FGF14: variants seen among roughly 807,000 people sequenced by gnomAD.
FGF14 encodes fibroblast growth factor 14, also known as fibroblast growth factor homologous factor 4.
A neutral mutation model predicts 25.5 loss-of-function variants in FGF14; 5 were observed. The observed-to-expected ratio is 0.20, with a 90% CI of 0.10 to 0.41. The LOEUF is 0.41. Among genes scored for constraint, FGF14 ranks in the 10% least tolerant of loss-of-function variants. FGF14 has a pLI of 1.00. For missense variants in FGF14, 222 were observed against 320.1 expected, an observed-to-expected ratio of 0.69 and a Z score of 2.34; for synonymous variants, 138 against 118.3, an observed-to-expected ratio of 1.17 and a Z score of -1.08.
At chr13:102,330,602 A>G (rs1456801095) in intron 1 of FGF14, among the ~76,000 whole-genome samples, 4 of 152,090 alleles carry the variant, frequency 2.6e-5, no homozygotes, top group East Asian at 3.9e-4. Context: ...CTCTTTAGCT[A>G]TCTACAATAA....
At chr13:102,365,754 A>G (rs1323876398) in intron 1 of FGF14, among the ~76,000 whole-genome samples, 4 of 151,938 alleles carry the variant, frequency 2.6e-5, no homozygotes, top group Admixed American at 6.6e-5. Context: ...GTGTGTGTGT[A>G]TAGTTATAAT....
chr13:101,779,467 A>G (rs2039352392), intron 3 of FGF14, among the ~76,000 whole-genome samples: 1 of 152,220 alleles, frequency 6.6e-6, no homozygotes, highest in African/African-American at 2.4e-5. Flanking sequence ...TGAATATTTC[A>G]GCGACTAAGG....
chr13:102,263,663 C>T (rs1197005334), intron 1 of FGF14, among the ~76,000 whole-genome samples: 1 of 152,060 alleles, frequency 6.6e-6, no homozygotes, highest in Non-Finnish European at 1.5e-5. Context: ...TAAATGTTAG[C>T]ACAGATAAAA....
chr13:102,188,567 G>A (rs2048963834), intron 1 of FGF14, among the ~76,000 whole-genome samples: 3 of 152,108 alleles, frequency 2.0e-5, no homozygotes, highest in African/African-American at 7.2e-5. Context: ...ATCTGGCAGA[G>A]GGCTAGTGCT....
In FGF14 at chr13:102,257,342, CTTTTTTT is replaced by C. The variant is rs71125058; in HGVS notation, c.208+144122_208+144128del. On this transcript the variant is annotated intron_variant, in intron 1 of 4. Transcript: ENST00000376131. ...CATGCATGTCCATTTCCTTTCTTTTCTTTTTTTTTTTTTTTTTTTTTTTTTTCGAGAC... is the reference window on the plus strand; with the variant it reads ...CATGCATGTCCATTTCCTTTCTTTTCTTTTTTTTTTTTTTTTTTTCGAGAC... 4.9e-4 allele frequency among the ~76,000 whole-genome samples: 16 copies of C among 32,576 alleles called. No individual in the cohort carries two copies. The South Asian group carries it at 0.015, about 31-fold the overall frequency. The allele number at this position is 32,576 out of a possible 152,430, so 21.4% of individuals were successfully genotyped here.
intron 1 of FGF14, among the ~76,000 whole-genome samples, chr13:102,369,997 C>CTT (rs200355754): frequency 3.4e-5 from 5 of 146,302 alleles, no homozygotes; most frequent in South Asian, 2.2e-4. Flanking sequence ...TAGAATAAAT[C>CTT]TTTTTTTTTT....
At chr13:102,108,576 C>T (rs961054010) in intron 1 of FGF14, among the ~76,000 whole-genome samples, 1 of 152,192 alleles carries the variant, frequency 6.6e-6, no homozygotes, top group East Asian at 1.9e-4. Context: ...CTTAATCTCC[C>T]CAAAGGTTAG....
chr13:101,747,164 A>C (rs2036944866), intron 3 of FGF14, among the ~76,000 whole-genome samples: 1 of 151,970 alleles, frequency 6.6e-6, no homozygotes, highest in South Asian at 2.1e-4. Context: ...CAAAGAAAGA[A>C]GCCTCAGAAT....
rs558455404 is a variant in FGF14, at chr13:101,842,993, G to A, written c.408+25732C>T. Among the ~76,000 whole-genome samples, 4 of 152,142 alleles carry A rather than the reference G, an allele frequency of 2.6e-5. No individual in the cohort carries two copies. The South Asian group carries it at 6.2e-4, about 24-fold the overall frequency. On this transcript the variant is annotated intron_variant, in intron 3 of 4. Coordinates refer to ENST00000376143, the MANE Select transcript of FGF14 (RefSeq NM_004115.4). Reference sequence around the variant, plus strand: ...CAAACGATCATCCTAACGACTGTTCGTCTATACGGAAACATACACACGATT... The same window carrying A: ...CAAACGATCATCCTAACGACTGTTCATCTATACGGAAACATACACACGATT...
intron 1 of FGF14, among the ~76,000 whole-genome samples, chr13:101,897,993 C>A (rs966057706): frequency 1.3e-5 from 2 of 151,456 alleles, no homozygotes; most frequent in Admixed American, 6.6e-5. Flanking sequence ...CTCCCGGGTT[C>A]AAGTGATCCT....
At chr13:102,284,397 G>C (rs2053993178) in intron 1 of FGF14, among the ~76,000 whole-genome samples, 1 of 152,122 alleles carries the variant, frequency 6.6e-6, no homozygotes, top group Non-Finnish European at 1.5e-5. Flanking sequence ...GATAAATGTA[G>C]CAAAGTCTTA....
intron 1 of FGF14, among the ~76,000 whole-genome samples, chr13:102,329,131 T>C (rs1049777312): frequency 6.6e-6 from 1 of 152,152 alleles, no homozygotes; most frequent in Non-Finnish European, 1.5e-5. Flanking sequence ...GTTGAGCAAA[T>C]AGAGGGTTGC....
chr13:102,139,150 G>A (rs1594111438), intron 1 of FGF14, among the ~76,000 whole-genome samples: 1 of 152,148 alleles, frequency 6.6e-6, no homozygotes, highest in East Asian at 1.9e-4. Flanking sequence ...CAACAGATCT[G>A]AGTGTGAATC....
intron 3 of FGF14, among the ~76,000 whole-genome samples, chr13:101,803,306 A>C (rs4771408): frequency 1.3e-4 from 20 of 151,344 alleles, no homozygotes; most frequent in African/African-American, 4.9e-4. Flanking sequence ...TTAAAAAAAA[A>C]ATTATGGAAT....
At chr13:102,352,799 G>A (rs1321045275) in intron 1 of FGF14, among the ~76,000 whole-genome samples, 22 of 141,794 alleles carry the variant, frequency 1.6e-4, no homozygotes, top group East Asian at 2.0e-4. Flanking sequence ...GCGACAGAGC[G>A]AGACTCTGTC....
chr13:102,017,670 A>T (rs1399211902), intron 1 of FGF14, among the ~76,000 whole-genome samples: 2 of 152,158 alleles, frequency 1.3e-5, no homozygotes, highest in Non-Finnish European at 2.9e-5. Flanking sequence ...TTAGTTCTGC[A>T]AAGTTTTCAT....
intron 1 of FGF14, among the ~76,000 whole-genome samples, chr13:102,269,092 T>C (rs2053128354): frequency 6.6e-6 from 1 of 152,200 alleles, no homozygotes; most frequent in Non-Finnish European, 1.5e-5. Context: ...CAGAAAAATG[T>C]GGTCTGAAAC....
At chr13:101,762,486 C>T (rs1161714178) in intron 3 of FGF14, among the ~76,000 whole-genome samples, 1 of 152,138 alleles carries the variant, frequency 6.6e-6, no homozygotes, top group Non-Finnish European at 1.5e-5. Flanking sequence ...ACTCTATCTG[C>T]TTTGAGCTAT....
At chr13:101,784,493 C>A (rs1160937413) in intron 3 of FGF14, among the ~76,000 whole-genome samples, 2 of 152,078 alleles carry the variant, frequency 1.3e-5, no homozygotes, top group African/African-American at 4.8e-5. Context: ...CAGGAGAAAC[C>A]ATTAACATAT....
Sources: allele counts gnomAD v4.1 joint callset (sites outside exome capture counted in the v4.1 genomes callset), GRCh38; gene constraint gnomAD v4.1.1; transcripts MANE v1.5; gene names NCBI Gene and HGNC (gene_info 2026-07-23, HGNC 2026-07-21).